Variants in MGAT4C observed in about 807,000 individuals in gnomAD.
MGAT4C encodes MGAT4 family member C.
In MGAT4C, 19 loss-of-function variants were observed where a neutral mutation model predicts 40.1. The ratio of observed to expected loss-of-function variants is 0.47; its 90% CI spans 0.33 to 0.70. The LOEUF is 0.70. MGAT4C is among the 30% of genes least tolerant of loss of function. MGAT4C has a pLI of 0.02. For synonymous variants in MGAT4C, 181 were observed against 187.1 expected (o/e 0.97, Z 0.27); for missense variants, 491 against 563.2 (o/e 0.87, Z 1.30).
chr12:86,730,503 G>A (rs569343276), intron 1 of MGAT4C, among the ~76,000 whole-genome samples: 1 of 151,966 alleles, frequency 6.6e-6, no homozygotes, highest in Non-Finnish European at 1.5e-5. Context: ...CGTACTTGTA[G>A]GATAAAAGGA....
chr12:85,986,226 T>C (rs1461142714), intron 3 of MGAT4C, among the ~76,000 whole-genome samples: 3 of 152,230 alleles, frequency 2.0e-5, no homozygotes, highest in African/African-American at 7.2e-5. Context: ...AGGCTCTCCC[T>C]GGATACCTTC....
intron 1 of MGAT4C, among the ~76,000 whole-genome samples, chr12:86,137,326 T>C (rs1220372285): frequency 1.3e-5 from 2 of 152,180 alleles, no homozygotes; most frequent in Non-Finnish European, 2.9e-5. Context: ...CCTCATCCTT[T>C]ATCATTGATT....
intron 4 of MGAT4C, among the ~76,000 whole-genome samples, chr12:86,268,258 A>T (rs1952839378): frequency 6.6e-6 from 1 of 152,070 alleles, no homozygotes; most frequent in Non-Finnish European, 1.5e-5. Flanking sequence ...ACTAGCCCAA[A>T]GTCTTTTAGC....
chr12:85,986,002 C>T (rs1213358553), intron 3 of MGAT4C, among the ~76,000 whole-genome samples: 1 of 152,118 alleles, frequency 6.6e-6, no homozygotes. Context: ...ATCCTTAACA[C>T]ATAAAATCTA....
At chr12:86,528,948 G>A (rs768164844) in intron 2 of MGAT4C, among the ~76,000 whole-genome samples, 8 of 151,646 alleles carry the variant, frequency 5.3e-5, no homozygotes, top group Non-Finnish European at 1.0e-4. Context: ...TCCTGCACAT[G>A]TACCCCTGAA....
intron 2 of MGAT4C, among the ~76,000 whole-genome samples, chr12:86,509,116 T>C (rs2136345297): frequency 6.6e-6 from 1 of 152,320 alleles, no homozygotes; most frequent in South Asian, 2.1e-4. Context: ...TTTGGTGTTT[T>C]AGACATGAAG....
chr12:86,613,459 C>A (rs1962350236), intron 2 of MGAT4C, among the ~76,000 whole-genome samples: 1 of 151,950 alleles, frequency 6.6e-6, no homozygotes, highest in Non-Finnish European at 1.5e-5. Flanking sequence ...AATGGGATGC[C>A]CTGAGGCTGT....
Position 86,726,394 on chromosome 12 carries a change from T to G in MGAT4C, c.-229+815A>C, listed in dbSNP as rs914070758. ...ATTGTCCATTTGAATAACACTGCTG[T>G]GTAAATCTGTGGTTGACAATACGAT... On this transcript the variant is annotated intron_variant, in intron 2 of 7. Coordinates refer to the MGAT4C transcript ENST00000548651. 1.1e-4 allele frequency among the ~76,000 whole-genome samples: 16 copies of G among 152,188 alleles called. 1 individual carries two copies. The highest frequency in any genetic ancestry group is 3.9e-4 in the African/African-American group (16 of 41,468).
intron 2 of MGAT4C, among the ~76,000 whole-genome samples, chr12:86,675,558 A>G (rs1325814411): frequency 1.3e-5 from 2 of 152,224 alleles, no homozygotes; most frequent in Non-Finnish European, 2.9e-5. Context: ...TTGCTATACC[A>G]GACCAGTGGT....
chr12:86,559,183 A>G (rs1457404895), intron 2 of MGAT4C, among the ~76,000 whole-genome samples: 1 of 152,036 alleles, frequency 6.6e-6, no homozygotes, highest in African/African-American at 2.4e-5. Context: ...ATATTGTTAG[A>G]TCTAAAGGGA....
In MGAT4C at chr12:86,342,856, G is replaced by T. The variant is rs892566598; in HGVS notation, c.-119-8729C>A. Among the ~76,000 whole-genome samples, 69 of 152,080 alleles carry T rather than the reference G, an allele frequency of 4.5e-4. 1 individual carries two copies. Among genetic ancestry groups the T allele is most frequent in the African/African-American group, 1.2e-3 (48 of 41,400 alleles). ...TGCCTTTTCAGTGAATGATTCATAG[G>T]AAACACCCAATGCAATCGATTGATT... On this transcript the variant is annotated intron_variant, in intron 3 of 7. Transcript: ENST00000548651.
chr12:86,568,946 A>T (rs1960245754), intron 2 of MGAT4C, among the ~76,000 whole-genome samples: 1 of 152,048 alleles, frequency 6.6e-6, no homozygotes, highest in South Asian at 2.1e-4. Flanking sequence ...ATTAAAAACT[A>T]GCTGAAAAAA....
At chr12:86,822,396 TAC>T (rs1566014959) in intron 1 of MGAT4C, among the ~76,000 whole-genome samples, 1 of 150,998 alleles carries the variant, frequency 6.6e-6, no homozygotes, top group Non-Finnish European at 1.5e-5. Flanking sequence ...AATCAAAACA[TAC>T]AGAGTGACCA....
intron 2 of MGAT4C, among the ~76,000 whole-genome samples, chr12:86,670,501 T>C (rs1409757690): frequency 1.3e-5 from 2 of 152,038 alleles, no homozygotes; most frequent in Non-Finnish European, 2.9e-5. Context: ...CTTGAGGACC[T>C]GTGTCTCAAA....
intron 1 of MGAT4C, among the ~76,000 whole-genome samples, chr12:86,248,202 C>A (rs1216892375): frequency 8.7e-6 from 1 of 115,030 alleles, no homozygotes; most frequent in Admixed American, 7.8e-5. Flanking sequence ...TCTCTTCCTT[C>A]CTTCCTTCCT....
At chr12:86,338,462 G>A (rs543144480) in intron 3 of MGAT4C, among the ~76,000 whole-genome samples, 173 of 152,284 alleles carry the variant, frequency 1.1e-3, no homozygotes, top group African/African-American at 4.0e-3. Context: ...TAATTTCTTA[G>A]TCCTACAAAG....
In MGAT4C at chr12:85,973,940, T is replaced by C. The variant is rs1052597085; in HGVS notation, c.*5349A>G. On this transcript the variant is annotated 3_prime_UTR_variant, in exon 5 of 5. Coordinates refer to ENST00000611864, the MANE Select transcript of MGAT4C (RefSeq NM_001351288.2). ...AACATCTCAGAAAATATTGGGATTA[T>C]TGAAGCAAATTCTACCCTGGACTTG... 1 of 150,958 alleles carries C rather than the reference T, an allele frequency of 6.6e-6. No homozygotes were observed. The highest frequency in any genetic ancestry group is 1.5e-5 in the Non-Finnish European group (1 of 67,138). 9.4% of individuals were successfully genotyped at this position (150,958 alleles called of 1,614,324 possible).
At chr12:86,011,585 A>G (rs1888465365) in intron 2 of MGAT4C, among the ~76,000 whole-genome samples, 3 of 152,212 alleles carry the variant, frequency 2.0e-5, no homozygotes, top group South Asian at 2.1e-4. Flanking sequence ...ATAGTATAGT[A>G]GAAAACGGGA....
chr12:86,795,160 A>C (rs1186708887), intron 1 of MGAT4C, among the ~76,000 whole-genome samples: 1 of 152,002 alleles, frequency 6.6e-6, no homozygotes, highest in Non-Finnish European at 1.5e-5. Flanking sequence ...ATTACTAAAG[A>C]CAAAATTATT....
Sources: allele counts gnomAD v4.1 joint callset (sites outside exome capture counted in the v4.1 genomes callset), GRCh38; gene constraint gnomAD v4.1.1; transcripts MANE v1.5; gene names NCBI Gene and HGNC (gene_info 2026-07-23, HGNC 2026-07-21).